ZNF799: variants seen among roughly 807,000 people sequenced by gnomAD.
The protein encoded by ZNF799 is zinc finger protein 799.
Under a neutral mutation model 41.0 loss-of-function variants are expected in ZNF799, and 28 were observed. That is an observed-to-expected ratio of 0.68 (90% CI 0.51 to 0.94). The LOEUF is 0.94. Among genes scored for constraint, ZNF799 ranks in the 40% least tolerant of loss-of-function variants. The pLI, the probability that ZNF799 is intolerant of heterozygous loss-of-function variation, is 0.00. For synonymous variants in ZNF799, 213 were observed against 252.9 expected, an observed-to-expected ratio of 0.84 and a Z score of 1.50; for missense variants, 716 against 764.3, an observed-to-expected ratio of 0.94 and a Z score of 0.74.
At chr19:12,408,599 A>T in the ZNF799 span, among the ~76,000 whole-genome samples, 1 of 152,248 alleles carries the variant, frequency 6.6e-6, no homozygotes, top group Admixed American at 6.5e-5. Flanking sequence ...AGGAATATGG[A>T]ACAGGCTACA....
At position 12,390,499 on chromosome 19, in the gene ZNF799, G is replaced by A; in HGVS notation, c.1899C>T (p.Leu633=). The change falls in exon 4 of 4, where the codon CTC becomes CTT. Residue 633 remains leucine, a synonymous_variant. Transcript: ENST00000430385. ...CKECGKAFAS[L]SSLHRHKKTH is the part of the protein sequence containing the mutation. Reference sequence around the variant, plus strand: ...TCTTTTTATGTCTATGCAAGGAACTGAGAGAAGCAAATGCTTTCCCACATT... The same window carrying A: ...TCTTTTTATGTCTATGCAAGGAACTAAGAGAAGCAAATGCTTTCCCACATT... 1.2e-6 allele frequency: 2 copies of A among 1,613,772 alleles called. No homozygotes were observed. The highest frequency in any genetic ancestry group is 1.7e-6 in the Non-Finnish European group (2 of 1,179,838).
Position 12,390,231 on chromosome 19 carries a change from A to C in ZNF799, c.*235T>G. 1.3e-6 allele frequency: 1 copy of C among 747,028 alleles called. No individual in the cohort carries two copies. Among genetic ancestry groups the C allele is most frequent in the Non-Finnish European group, 2.2e-6 (1 of 464,734 alleles). 46.3% of individuals were successfully genotyped at this position (747,028 alleles called of 1,614,324 possible). A position where few individuals can be genotyped will look rare whatever the true frequency, so the allele number is the denominator to read the frequency against. ...GAGAGTATACAAGAGGATGTGGGTA[A>C]GTTACATACAAATATGTCATTTTAT... On this transcript the variant is annotated 3_prime_UTR_variant, in exon 4 of 4. Coordinates refer to ENST00000430385, the MANE Select transcript of ZNF799 (RefSeq NM_001080821.3).
intron 1 of ZNF799, chr19:12,394,840 A>G (rs557850051): frequency 1.0e-6 from 1 of 985,416 alleles, no homozygotes; most frequent in African/African-American, 1.7e-5. Flanking sequence ...CTCACCAAGA[A>G]AGTGCAGCAT....
intron 1 of ZNF799, 179 bp downstream of exon 1, chr19:12,400,889 C>G: frequency 8.9e-7 from 1 of 1,127,550 alleles, no homozygotes; most frequent in Non-Finnish European, 1.3e-6. Context: ...ACAGGACGCC[C>G]GGGGTCCCGG....
chr19:12,393,820 G>T (rs1244206757), intron 1 of ZNF799: 30 of 1,024,978 alleles, frequency 2.9e-5, no homozygotes, highest in Middle Eastern at 4.3e-4. Context: ...TTTTCACAAA[G>T]TTGGGCTTTT....
chr19:12,394,883 C>T, intron 1 of ZNF799: 1 of 983,922 alleles, frequency 1.0e-6, no homozygotes, highest in Non-Finnish European at 1.2e-6. Context: ...TATTTGGCAC[C>T]CCGTACTATT....
At chr19:12,412,028 A>T in the ZNF799 span, among the ~76,000 whole-genome samples, 1 of 152,136 alleles carries the variant, frequency 6.6e-6, no homozygotes, top group African/African-American at 2.4e-5. Flanking sequence ...GTTGATCCAG[A>T]TATCTCCCTT....
At chr19:12,402,416 CTT>C (rs745521629), upstream of ZNF799, among the ~76,000 whole-genome samples, 8 of 125,032 alleles carry the variant, frequency 6.4e-5, no homozygotes, top group Admixed American at 2.6e-4. Context: ...CCCTTTATTT[CTT>C]TTTTTTTTTT....
chr19:12,406,693 G>A, the ZNF799 span, among the ~76,000 whole-genome samples: 28 of 151,988 alleles, frequency 1.8e-4, no homozygotes, highest in African/African-American at 6.5e-4. Context: ...GAGGTCAGGA[G>A]ATCGAGACCA....
rs1351663493 is a variant in ZNF799, at chr19:12,390,438, C to T, written c.*28G>A. 3.7e-6 allele frequency: 6 copies of T among 1,609,766 alleles called. No individual in the cohort carries two copies. Among genetic ancestry groups the T allele is most frequent in the African/African-American group, 1.3e-5 (1 of 74,670 alleles). ...ATGAAATAAAATTAATAAATGCTTT[C>T]CCACATTCCATACATTTAGAGAGAA... On this transcript the variant is annotated 3_prime_UTR_variant, in exon 4 of 4. Coordinates refer to ENST00000430385, the MANE Select transcript of ZNF799 (RefSeq NM_001080821.3).
Position 12,390,753 on chromosome 19 carries a change from G to A in ZNF799, c.1645C>T (p.Arg549Ter), listed in dbSNP as rs752382976. Residue 549 changes from arginine (R) to a stop codon, truncating the protein, a stop_gained, in exon 4 of 4, where the codon CGA becomes TGA. Coordinates refer to ENST00000430385, the MANE Select transcript of ZNF799 (RefSeq NM_001080821.3). LOFTEE classifies it high-confidence loss of function. ...TCTCTCATGTGAATTCTTTCATGTC[G>A]TAGAAAGCAAGTGAGCCAAGAGAAT... Reference protein sequence around the residue: ...KAFSWLTCFLRHERIHMREKP... With the variant: ...KAFSWLTCFL 6.3e-5 allele frequency: 101 copies of A among 1,612,576 alleles called. No homozygotes were observed. The highest frequency in any genetic ancestry group is 1.6e-4 in the Middle Eastern group (1 of 6,068).
chr19:12,396,788 T>C (rs1969900582), intron 1 of ZNF799, among the ~76,000 whole-genome samples: 3 of 149,442 alleles, frequency 2.0e-5, no homozygotes, highest in Non-Finnish European at 4.4e-5. Context: ...GATAAACCAA[T>C]TGAAATTAAT....
At chr19:12,393,542 G>A (rs1277334397) in intron 1 of ZNF799, 119 bp from the exon 2 acceptor site, 3 of 1,369,456 alleles carry the variant, frequency 2.2e-6, no homozygotes, top group Admixed American at 6.1e-5. Context: ...CAATGACATG[G>A]TAAACCCACT....
At chr19:12,400,801 A>G (rs572711470) in intron 1 of ZNF799, 1 of 591,026 alleles carries the variant, frequency 1.7e-6, no homozygotes, top group Admixed American at 3.2e-5. Flanking sequence ...CAGCCGCACA[A>G]TCTCGGGAGA....
intron 1 of ZNF799, among the ~76,000 whole-genome samples, chr19:12,395,330 C>T (rs1275323282): frequency 3.3e-5 from 5 of 151,924 alleles, no homozygotes; most frequent in Non-Finnish European, 5.9e-5. Flanking sequence ...TTACTAGAGA[C>T]GGGGTTTCAC....
rs181983844 is a variant in ZNF799 at position 12,399,887 on chromosome 19, C to A, written c.3+1181G>T. Among the ~76,000 whole-genome samples, 405 of 152,212 alleles carry A rather than the reference C, an allele frequency of 2.7e-3. 1 individual carries two copies. Among genetic ancestry groups the A allele is most frequent in the Non-Finnish European group, 4.7e-3 (317 of 68,022 alleles). On this transcript the variant is annotated intron_variant, in intron 1 of 3. Transcript: ENST00000430385. The stretch of plus-strand genomic sequence containing the variant: ...CTGGTCTGGAACTACTAAGATTAAG[C>A]AATACCTCTGCCTTAGCCTCCCAAG...
upstream of ZNF799, among the ~76,000 whole-genome samples, chr19:12,403,631 C>A (rs574153607): frequency 6.6e-6 from 1 of 152,116 alleles, no homozygotes; most frequent in South Asian, 2.1e-4. Context: ...CAGCTCACTG[C>A]CACCTCTGCC....
Position 12,390,682 on chromosome 19 carries a change from G to GGAAT in ZNF799, c.1712_1715dup (p.Arg573PhefsTer8). 6.2e-7 allele frequency: 1 copy of GGAAT among 1,613,424 alleles called. No homozygotes were observed. The highest frequency in any genetic ancestry group is 8.5e-7 in the Non-Finnish European group (1 of 1,179,732). On this transcript the variant is annotated frameshift_variant, in exon 4 of 4. Transcript: ENST00000430385. LOFTEE classifies it high-confidence loss of function. ...TTTTTTCATGTCCTTGAAGAAAACG[G>GGAAT]GAATGAGTGAAGGCTTTACCACATT...
At position 12,392,098 on chromosome 19, in the gene ZNF799, T is replaced by C; in HGVS notation, c.300A>G (p.Val100=). The C allele has an allele frequency of 6.2e-7, 1 of 1,614,202 alleles. No individual in the cohort carries two copies. Among genetic ancestry groups the C allele is most frequent in the South Asian group, 1.1e-5 (1 of 91,082 alleles). Residue 100 remains valine, a synonymous_variant, in exon 4 of 4, where the codon GTA becomes GTG. Transcript: ENST00000430385. ...SIVTKNTLPG[V]GPYESRMSGE... ...CACTCATACGGCTTTCATATGGACCTACTCCAGGAAGAGTGTTCTTGGTCA... is the reference window on the plus strand; with the variant it reads ...CACTCATACGGCTTTCATATGGACCCACTCCAGGAAGAGTGTTCTTGGTCA...
Sources: allele counts gnomAD v4.1 joint callset (sites outside exome capture counted in the v4.1 genomes callset), GRCh38; gene constraint gnomAD v4.1.1; transcripts MANE v1.5; gene names NCBI Gene and HGNC (gene_info 2026-07-23, HGNC 2026-07-21).